The following SHTN1 variants were observed in gnomAD, a reference collection of about 807,000 sequenced individuals.
SHTN1 encodes shootin 1.
A neutral mutation model predicts 83.1 loss-of-function variants in SHTN1; 42 were observed. That is an observed-to-expected ratio of 0.51 (90% CI 0.39 to 0.65). SHTN1 has a LOEUF of 0.65. SHTN1 is among the 30% of genes least tolerant of loss of function. SHTN1 has a pLI of 0.00. For synonymous variants in SHTN1, 224 were observed against 247.7 expected (o/e 0.90, Z 0.90); for missense variants, 622 against 737.8 (o/e 0.84, Z 1.82).
chr10:117,061,272 G>A (rs781592460), intron 1 of SHTN1, among the ~76,000 whole-genome samples: 2 of 150,306 alleles, frequency 1.3e-5, no homozygotes, highest in African/African-American at 2.5e-5. Context: ...TCAGCCTCCC[G>A]AGTAGCTGGG....
At chr10:117,096,926 A>T (rs1311518588) in intron 1 of SHTN1, among the ~76,000 whole-genome samples, 1 of 152,240 alleles carries the variant, frequency 6.6e-6, no homozygotes, top group African/African-American at 2.4e-5. Context: ...AAAAAGAGGA[A>T]CATCATCATG....
chr10:117,050,687 C>A (rs1336126434), intron 1 of SHTN1, among the ~76,000 whole-genome samples: 1 of 151,172 alleles, frequency 6.6e-6, no homozygotes, highest in African/African-American at 2.5e-5. Context: ...CAAACCTTAG[C>A]TAGAATGACT....
chr10:116,902,689 T>C (rs936678553), intron 15 of SHTN1, among the ~76,000 whole-genome samples: 2 of 152,212 alleles, frequency 1.3e-5, no homozygotes, highest in African/African-American at 4.8e-5. Flanking sequence ...CAAAGCATGA[T>C]TCTAGTAAGT....
chr10:117,051,648 T>C (rs1205088783), intron 1 of SHTN1, among the ~76,000 whole-genome samples: 2 of 150,382 alleles, frequency 1.3e-5, no homozygotes, highest in South Asian at 4.2e-4. Context: ...ATTAGTAGAA[T>C]AGAGAGGAGG....
intron 16 of SHTN1, among the ~76,000 whole-genome samples, chr10:116,887,556 C>T (rs1469323607): frequency 6.6e-6 from 1 of 152,180 alleles, no homozygotes; most frequent in East Asian, 1.9e-4. Flanking sequence ...AGTGCCTGCC[C>T]ACTGCTCTAC....
intron 13 of SHTN1, among the ~76,000 whole-genome samples, chr10:116,914,594 G>A (rs1190998710): frequency 4.6e-5 from 7 of 152,146 alleles, no homozygotes; most frequent in Non-Finnish European, 2.9e-5. Flanking sequence ...AACCATAAAG[G>A]TTAGTGAAGA....
At chr10:117,079,181 C>A in intron 1 of SHTN1, among the ~76,000 whole-genome samples, 1 of 87,594 alleles carries the variant, frequency 1.1e-5, no homozygotes, top group South Asian at 4.7e-4. Flanking sequence ...GCTATCCCTC[C>A]CCCCCTCCCC....
chr10:116,931,766 A>G (rs1848977846), intron 9 of SHTN1, among the ~76,000 whole-genome samples: 2 of 152,240 alleles, frequency 1.3e-5, no homozygotes, highest in South Asian at 4.1e-4. Context: ...AACAAACTAT[A>G]TTTATAAAGG....
chr10:116,954,301 C>A, intron 4 of SHTN1, 91 bp from the exon 5 acceptor site: 1 of 794,194 alleles, frequency 1.3e-6, no homozygotes, highest in South Asian at 1.9e-5. Context: ...ATATTTTTGT[C>A]TTACATATTC....
chr10:116,901,524 T>G, intron 16 of SHTN1: 2 of 985,356 alleles, frequency 2.0e-6, no homozygotes, highest in Non-Finnish European at 2.4e-6. Context: ...TAGAAGAACC[T>G]GATTACCAAA....
intron 1 of SHTN1, among the ~76,000 whole-genome samples, chr10:117,119,014 A>T (rs1177283106): frequency 6.6e-6 from 1 of 152,248 alleles, no homozygotes; most frequent in Non-Finnish European, 1.5e-5. Context: ...AAAGAATTAA[A>T]TCCTGTCATT....
chr10:116,938,363 T>C (rs375534636), intron 9 of SHTN1, among the ~76,000 whole-genome samples: 1 of 152,120 alleles, frequency 6.6e-6, no homozygotes, highest in Non-Finnish European at 1.5e-5. Context: ...TGGATGTCCT[T>C]TTGTTGATGT....
At chr10:117,069,169 G>C (rs1853045601) in intron 1 of SHTN1, among the ~76,000 whole-genome samples, 1 of 152,130 alleles carries the variant, frequency 6.6e-6, no homozygotes, top group Admixed American at 6.5e-5. Flanking sequence ...AGAGTTAGTT[G>C]TAAGAAGGCA....
intron 2 of SHTN1, among the ~76,000 whole-genome samples, chr10:117,020,880 A>G (rs1239970923): frequency 1.3e-5 from 2 of 152,204 alleles, no homozygotes; most frequent in African/African-American, 4.8e-5. Flanking sequence ...CAGACAGTGG[A>G]AAATATTTGC....
intron 1 of SHTN1, among the ~76,000 whole-genome samples, chr10:116,990,674 A>G (rs909120089): frequency 6.6e-6 from 1 of 152,102 alleles, no homozygotes; most frequent in Admixed American, 6.5e-5. Flanking sequence ...TTTAAGTCAT[A>G]AAGAGGCTTA....
At chr10:116,983,147 G>C (rs1385896141) in intron 1 of SHTN1, among the ~76,000 whole-genome samples, 7 of 152,132 alleles carry the variant, frequency 4.6e-5, no homozygotes, top group Non-Finnish European at 7.4e-5. Flanking sequence ...TTACTGGCTA[G>C]GGGACCTTGG....
Position 116,906,266 on chromosome 10 carries a change from C to CTGGT in SHTN1, c.1480+357_1480+360dup, listed in dbSNP as rs566971433. ...CAGTAATTTGCTTAAGGGCAACCAG[C>CTGGT]TGGTATACAAGAGAACTAGGACTCA... On this transcript the variant is annotated intron_variant, in intron 15 of 16. Transcript: ENST00000355371. 7.4e-4 allele frequency among the ~76,000 whole-genome samples: 112 copies of CTGGT among 152,328 alleles called. 2 individuals are homozygous for CTGGT. In the South Asian group the frequency reaches 0.022, roughly 30 times the overall value.
intron 2 of SHTN1, among the ~76,000 whole-genome samples, chr10:116,975,048 GCT>G (rs1004724408): frequency 6.6e-6 from 1 of 151,992 alleles, no homozygotes; most frequent in African/African-American, 2.4e-5. Context: ...AGTATGATAG[GCT>G]CTTACTTTTT....
upstream of SHTN1, among the ~76,000 whole-genome samples, chr10:117,008,331 C>CTTTAAAGTA (rs1852051869): frequency 6.6e-6 from 1 of 151,878 alleles, no homozygotes; most frequent in South Asian, 2.1e-4. Flanking sequence ...AGTAAAATCA[C>CTTTAAAGTA]ATATGTCATC....
Sources: allele counts gnomAD v4.1 joint callset (sites outside exome capture counted in the v4.1 genomes callset), GRCh38; gene constraint gnomAD v4.1.1; transcripts MANE v1.5; gene names NCBI Gene and HGNC (gene_info 2026-07-23, HGNC 2026-07-21).